The following SPSB4 variants were observed in gnomAD, a reference collection of about 807,000 sequenced individuals.
SPSB4 encodes SPRY domain-containing SOCS box protein 4.
Under a neutral mutation model 20.9 loss-of-function variants are expected in SPSB4, and 21 were observed. The observed-to-expected ratio is 1.01, with a 90% CI of 0.71 to 1.45. SPSB4 has a LOEUF of 1.45. Ranked by LOEUF, SPSB4 falls within the 40% of genes most tolerant of loss-of-function variation. The pLI is 0.00. For missense variants in SPSB4, 399 were observed against 399.2 expected, an observed-to-expected ratio of 1.00 and a Z score of 0.00; for synonymous variants, 207 against 183.8, an observed-to-expected ratio of 1.13 and a Z score of -1.02.
At chr3:141,060,989 C>T (rs1386539000) in intron 1 of SPSB4, among the ~76,000 whole-genome samples, 3 of 152,130 alleles carry the variant, frequency 2.0e-5, no homozygotes, top group African/African-American at 7.2e-5. Context: ...ATTTGTGTTG[C>T]AAATTTTTTC....
At chr3:141,122,532 A>C (rs1236914337) in intron 2 of SPSB4, among the ~76,000 whole-genome samples, 2 of 152,184 alleles carry the variant, frequency 1.3e-5, no homozygotes, top group African/African-American at 2.4e-5. Context: ...ACAGAGGTGG[A>C]ATCTACAGCA....
At chr3:141,084,050 C>T (rs377749238) in intron 2 of SPSB4, among the ~76,000 whole-genome samples, 1 of 152,134 alleles carries the variant, frequency 6.6e-6, no homozygotes, top group Non-Finnish European at 1.5e-5. Flanking sequence ...CTAATAATGG[C>T]AGAGCGAGGT....
At chr3:141,101,071 G>T (rs1014072518) in intron 2 of SPSB4, among the ~76,000 whole-genome samples, 4 of 152,202 alleles carry the variant, frequency 2.6e-5, no homozygotes, top group African/African-American at 4.8e-5. Flanking sequence ...TGTGAGTATG[G>T]AAGGATGTGG....
chr3:141,082,994 G>C (rs551777068), intron 2 of SPSB4, among the ~76,000 whole-genome samples: 1 of 152,292 alleles, frequency 6.6e-6, no homozygotes, highest in African/African-American at 2.4e-5. Flanking sequence ...GTTTTGCTGA[G>C]CTGTGTGACC....
At chr3:141,083,275 C>T (rs185345866) in intron 2 of SPSB4, among the ~76,000 whole-genome samples, 80 of 152,326 alleles carry the variant, frequency 5.3e-4, no homozygotes, top group African/African-American at 1.9e-3. Flanking sequence ...ATGGCTTCCC[C>T]GGCTGGTTTG....
chr3:141,115,292 G>T (rs924388996), intron 2 of SPSB4: 1 of 152,222 alleles, frequency 6.6e-6, no homozygotes, highest in Non-Finnish European at 1.5e-5. Flanking sequence ...CCCCAGTGGC[G>T]TTGGCAGGTA....
At chr3:141,109,895 C>T (rs953982810) in intron 2 of SPSB4, among the ~76,000 whole-genome samples, 3 of 152,190 alleles carry the variant, frequency 2.0e-5, no homozygotes, top group Admixed American at 2.0e-4. Flanking sequence ...CTATTTATAG[C>T]TCCTTAATCG....
chr3:141,099,941 G>C (rs1439954231), intron 2 of SPSB4, among the ~76,000 whole-genome samples: 1 of 152,168 alleles, frequency 6.6e-6, no homozygotes, highest in Non-Finnish European at 1.5e-5. Context: ...GGTCTTGACT[G>C]GTCTTGTCCA....
At chr3:141,061,662 T>G (rs558501813) in intron 1 of SPSB4, among the ~76,000 whole-genome samples, 1 of 151,298 alleles carries the variant, frequency 6.6e-6, no homozygotes, top group African/African-American at 2.4e-5. Flanking sequence ...CAGATTTCCT[T>G]TTTTTCTCAG....
intron 2 of SPSB4, chr3:141,080,167 G>C (rs1487656743): frequency 6.6e-6 from 1 of 152,240 alleles, no homozygotes; most frequent in Non-Finnish European, 1.5e-5. Flanking sequence ...ATGGCCATTT[G>C]CATTTTACAG....
At chr3:141,136,282 T>G in intron 2 of SPSB4, among the ~76,000 whole-genome samples, 1 of 152,206 alleles carries the variant, frequency 6.6e-6, no homozygotes, top group East Asian at 1.9e-4. Context: ...TCTCCCATTC[T>G]GTAGGTTGCC....
chr3:141,124,177 C>G (rs539656935), intron 2 of SPSB4: 46 of 152,342 alleles, frequency 3.0e-4, no homozygotes, highest in African/African-American at 1.1e-3. Context: ...CTCATTGACC[C>G]AGAACCTACA....
At chr3:141,064,904 G>T (rs966280926) in intron 1 of SPSB4, among the ~76,000 whole-genome samples, 1 of 152,176 alleles carries the variant, frequency 6.6e-6, no homozygotes, top group African/African-American at 2.4e-5. Context: ...AGGCAGTCTG[G>T]GGTCAGTGCT....
chr3:141,143,257 G>A (rs1939366053), intron 2 of SPSB4, among the ~76,000 whole-genome samples: 1 of 152,220 alleles, frequency 6.6e-6, no homozygotes, highest in Non-Finnish European at 1.5e-5. Context: ...GAGTTCTTGT[G>A]TGCTAGGTGA....
chr3:141,092,195 CT>C (rs1192148278), intron 2 of SPSB4, among the ~76,000 whole-genome samples: 1 of 152,200 alleles, frequency 6.6e-6, no homozygotes, highest in African/African-American at 2.4e-5. Flanking sequence ...CCCCTCTGAG[CT>C]TTGGCTTTCT....
At chr3:141,083,358 C>A (rs1260829172) in intron 2 of SPSB4, among the ~76,000 whole-genome samples, 1 of 152,168 alleles carries the variant, frequency 6.6e-6, no homozygotes, top group South Asian at 2.1e-4. Flanking sequence ...CTGCCACCCC[C>A]CCACCCTCTG....
Position 141,066,103 on chromosome 3 carries a change from G to C in SPSB4, c.-2G>C. On this transcript the variant is annotated 5_prime_UTR_variant, in exon 2 of 3. Transcript: ENST00000310546. ...GCAGCGGCCTCCTCCCCGCAGTGAAGCATGGGCCAGAAGCTCTCGGGGAGC... is the reference window on the plus strand; with the variant it reads ...GCAGCGGCCTCCTCCCCGCAGTGAACCATGGGCCAGAAGCTCTCGGGGAGC... 1 of 1,519,016 alleles carries C rather than the reference G, an allele frequency of 6.6e-7. No homozygotes were observed. Among genetic ancestry groups the C allele is most frequent in the Admixed American group, 2.1e-5 (1 of 46,588 alleles). 94.1% of individuals were successfully genotyped at this position (1,519,016 alleles called of 1,614,324 possible). A position where few individuals can be genotyped will look rare whatever the true frequency, so the allele number is the denominator to read the frequency against.
At chr3:141,052,025 G>GCGGGGGC (rs1936101416) in intron 1 of SPSB4, 33 bp downstream of exon 1, 1 of 152,594 alleles carries the variant, frequency 6.6e-6, no homozygotes, top group South Asian at 2.1e-4. Flanking sequence ...TGAGGGGCGC[G>GCGGGGGC]CGGGGGCCGG....
chr3:141,124,767 G>A (rs1418652570), intron 2 of SPSB4, among the ~76,000 whole-genome samples: 2 of 152,112 alleles, frequency 1.3e-5, no homozygotes, highest in Admixed American at 6.5e-5. Context: ...AAGGAGGAAG[G>A]GCAGGGAACT....
Sources: allele counts gnomAD v4.1 joint callset (sites outside exome capture counted in the v4.1 genomes callset), GRCh38; gene constraint gnomAD v4.1.1; transcripts MANE v1.5; gene names NCBI Gene and HGNC (gene_info 2026-07-23, HGNC 2026-07-21).